ZFAT: variants seen among roughly 807,000 people sequenced by gnomAD.
ZFAT encodes the protein zinc finger protein ZFAT.
ZFAT carries 64 observed loss-of-function variants against 117.7 expected under a neutral mutation model. That is an observed-to-expected ratio of 0.54 (90% CI 0.44 to 0.67). The LOEUF (loss-of-function observed/expected upper bound fraction) is 0.67. Ranked by LOEUF, ZFAT falls within the 30% of genes least tolerant of loss-of-function variation. The probability of loss-of-function intolerance (pLI) is 0.00; values close to 1 mark genes in which losing one functional copy is unlikely to be tolerated. For synonymous variants in ZFAT, 679 were observed against 615.0 expected (o/e 1.10, Z -1.54); for missense variants, 1,433 against 1,584.5 (o/e 0.90, Z 1.62).
intron 2 of ZFAT, among the ~76,000 whole-genome samples, chr8:134,637,963 A>G (rs892636528): frequency 2.0e-5 from 3 of 152,222 alleles, no homozygotes; most frequent in African/African-American, 7.2e-5. Context: ...ATCGCTGTAC[A>G]TCTTTCTCCA....
chr8:134,676,391 G>T (rs767351848), intron 1 of ZFAT, among the ~76,000 whole-genome samples: 10 of 152,028 alleles, frequency 6.6e-5, no homozygotes, highest in Non-Finnish European at 1.3e-4. Context: ...AACAAGAAGA[G>T]CTAACTATCC....
At chr8:134,574,891 T>C (rs1825189295) in intron 10 of ZFAT, among the ~76,000 whole-genome samples, 1 of 152,170 alleles carries the variant, frequency 6.6e-6, no homozygotes, top group Non-Finnish European at 1.5e-5. Context: ...AAATTGACTT[T>C]ACCTTTTTTT....
intron 11 of ZFAT, among the ~76,000 whole-genome samples, chr8:134,564,271 C>T (rs924810571): frequency 1.3e-5 from 2 of 151,916 alleles, no homozygotes; most frequent in African/African-American, 2.4e-5. Context: ...TTGGCCCTGC[C>T]TAAGCCAAAT....
the ZFAT span, among the ~76,000 whole-genome samples, chr8:134,782,564 T>C: frequency 1.3e-5 from 2 of 152,174 alleles, no homozygotes; most frequent in Non-Finnish European, 2.9e-5. Context: ...TTCCCTGAGA[T>C]ATGAACCCGG....
Position 134,494,349 on chromosome 8 carries a change from G to A in ZFAT, c.3492+15270C>T, listed in dbSNP as rs918122634. On this transcript the variant is annotated intron_variant, in intron 15 of 15. Transcript: ENST00000377838. ...CAGGCCCCGGCCTTTCTCTTTGCTG[G>A]TGGCTTTGTCAGCCTGAAGGGCAGC... Among the ~76,000 whole-genome samples, 13 of 148,506 alleles carry A rather than the reference G, an allele frequency of 8.8e-5. 1 individual carries two copies. The highest frequency in any genetic ancestry group is 7.5e-4 in the Admixed American group (11 of 14,700).
At chr8:134,560,688 G>A (rs1044189576) in intron 11 of ZFAT, among the ~76,000 whole-genome samples, 11 of 152,204 alleles carry the variant, frequency 7.2e-5, no homozygotes, top group African/African-American at 2.7e-4. Context: ...AGAAAGCAAA[G>A]AGTTGAATAG....
At chr8:134,658,071 CG>C (rs1482329653) in intron 1 of ZFAT, among the ~76,000 whole-genome samples, 1 of 152,190 alleles carries the variant, frequency 6.6e-6, no homozygotes, top group Admixed American at 6.5e-5. Flanking sequence ...GGCGCGGTGG[CG>C]CACGCCTGTA....
rs772395197 is a variant in ZFAT at position 134,602,805 on chromosome 8, C to G, written c.914G>C (p.Ser305Thr). ...NEKPYKCPQC[S>T]YASAIKANLN... is the part of the protein sequence containing the mutation. The stretch of plus-strand genomic sequence containing the variant: ...GTTGGCCTTGATGGCACTGGCATAG[C>G]TGCACTGGGGGCACTTGTATGGCTT... Residue 305 changes from serine to threonine, a missense_variant, in exon 6 of 16, where the codon AGC becomes ACC. Physicochemically the swap from Ser to Thr is moderately conservative, Grantham distance 58. Transcript: ENST00000377838. 4 of 1,614,096 alleles carry G rather than the reference C, an allele frequency of 2.5e-6. No individual in the cohort carries two copies. The highest frequency in any genetic ancestry group is 3.3e-5 in the Admixed American group (2 of 60,004).
At chr8:134,522,016 CCAGTGCTTCCG>C (rs1486097320) in intron 12 of ZFAT, among the ~76,000 whole-genome samples, 1 of 152,260 alleles carries the variant, frequency 6.6e-6, no homozygotes, top group Non-Finnish European at 1.5e-5. Context: ...CTCCTCTATG[CCAGTGCTTCCG>C]CAGCATCCTG....
intron 1 of ZFAT, among the ~76,000 whole-genome samples, chr8:134,668,241 G>A (rs1832345077): frequency 6.6e-6 from 1 of 152,232 alleles, no homozygotes; most frequent in South Asian, 2.1e-4. Context: ...GTCCCTGTCT[G>A]ACAGCTTTGA....
the ZFAT span, among the ~76,000 whole-genome samples, chr8:134,759,030 A>G: frequency 6.6e-6 from 1 of 152,192 alleles, no homozygotes; most frequent in East Asian, 1.9e-4. Context: ...GAAGGGACTG[A>G]CTATTGGAGT....
chr8:134,745,535 G>T, the ZFAT span, among the ~76,000 whole-genome samples: 1 of 152,232 alleles, frequency 6.6e-6, no homozygotes, highest in African/African-American at 2.4e-5. Context: ...AGAGGAGTTA[G>T]TGAGGACATG....
chr8:134,637,355 T>C (rs2131101492), intron 3 of ZFAT, 106 bp downstream of exon 3: 2 of 1,408,990 alleles, frequency 1.4e-6, no homozygotes, highest in Non-Finnish European at 1.9e-6. Flanking sequence ...GAGAGCTGAA[T>C]AAATATGTGC....
At chr8:134,623,624 T>A (rs561976727) in intron 3 of ZFAT, among the ~76,000 whole-genome samples, 1 of 152,278 alleles carries the variant, frequency 6.6e-6, no homozygotes, top group African/African-American at 2.4e-5. Flanking sequence ...TTCCTTGACA[T>A]CTCCACAATA....
rs147832474 is a variant in ZFAT at position 134,491,702 on chromosome 8, C to T, written c.3493-12981G>A. Among the ~76,000 whole-genome samples the T allele has an allele frequency of 5.3e-5, 8 of 152,306 alleles. No homozygotes were observed. In the East Asian group the frequency reaches 7.7e-4, roughly 15 times the overall value. On this transcript the variant is annotated intron_variant, in intron 15 of 15. Coordinates refer to ENST00000377838, the MANE Select transcript of ZFAT (RefSeq NM_020863.4). ...ACGATGTCATCTCTCTGGTTCTGAC[C>T]CTACTGCCTTCCTCTTCCCCATTTA...
At chr8:134,549,171 G>C (rs1317339889) in intron 11 of ZFAT, among the ~76,000 whole-genome samples, 1 of 152,192 alleles carries the variant, frequency 6.6e-6, no homozygotes, top group Non-Finnish European at 1.5e-5. Context: ...ACCGGGTGCA[G>C]TGGCTCATAT....
chr8:134,632,297 T>C (rs4909331), intron 3 of ZFAT, among the ~76,000 whole-genome samples: 110,059 of 152,168 alleles, frequency 0.72, 40,164 homozygotes, highest in East Asian at 0.91. Context: ...CTTACTTTAT[T>C]ATAAGGAAAT....
In ZFAT at chr8:134,601,623, G is replaced by A; in HGVS notation, c.2096C>T (p.Pro699Leu). The change falls in exon 6 of 16, where the codon CCT becomes CTT. Residue 699 changes from proline to leucine, a missense_variant. By Grantham distance (98) the Pro-to-Leu change is moderately conservative (BLOSUM62 -3). Coordinates refer to ENST00000377838, the MANE Select transcript of ZFAT (RefSeq NM_020863.4). ...AGGGDTITHQ[P>L]DSCKAAPEHR... ...CTCAGGGGCAGCTTTGCAAGAGTCA[G>A]GCTGATGTGTGATGGTGTCCCCACC... is the stretch of plus-strand genomic sequence containing the variant. 1 of 1,614,248 alleles carries A rather than the reference G, an allele frequency of 6.2e-7. No individual in the cohort carries two copies. Among genetic ancestry groups the A allele is most frequent in the Non-Finnish European group, 8.5e-7 (1 of 1,180,046 alleles).
intron 1 of ZFAT, among the ~76,000 whole-genome samples, chr8:134,710,328 C>T (rs1295968450): frequency 6.6e-6 from 1 of 152,204 alleles, no homozygotes; most frequent in African/African-American, 2.4e-5. Context: ...TCCTTAGAGC[C>T]TGTTACTTGC....
Sources: gnomAD v4.1 joint callset for allele counts (sites outside exome capture counted in the v4.1 genomes callset) on GRCh38, gnomAD v4.1.1 for gene constraint, MANE v1.5 for transcripts, NCBI Gene and HGNC (gene_info 2026-07-23, HGNC 2026-07-21) for gene names.